The following CNTNAP2 variants were observed in gnomAD, a reference collection of about 807,000 sequenced individuals.
The protein encoded by CNTNAP2 is contactin-associated protein-like 2.
CNTNAP2 carries 98 observed loss-of-function variants against 155.2 expected under a neutral mutation model. That is an observed-to-expected ratio of 0.63 (90% CI 0.54 to 0.75). CNTNAP2 has a LOEUF of 0.75. Ranked by LOEUF, CNTNAP2 falls within the 30% of genes least tolerant of loss-of-function variation. The pLI is 0.00. For missense variants in CNTNAP2, 1,727 were observed against 1,688.1 expected, an observed-to-expected ratio of 1.02 and a Z score of -0.40; for synonymous variants, 651 against 631.2, an observed-to-expected ratio of 1.03 and a Z score of -0.47.
intron 13 of CNTNAP2, among the ~76,000 whole-genome samples, chr7:147,875,108 T>C (rs1282789775): frequency 6.6e-6 from 1 of 152,256 alleles, no homozygotes; most frequent in East Asian, 1.9e-4. Context: ...AACCTCTGCC[T>C]GTTACCCAGT....
chr7:146,354,508 A>T (rs999898358), intron 1 of CNTNAP2, among the ~76,000 whole-genome samples: 11 of 147,924 alleles, frequency 7.4e-5, no homozygotes, highest in African/African-American at 2.8e-4. Context: ...TCCACCTCCC[A>T]GGTTCAGGTG....
At position 148,383,869 on chromosome 7, in the gene CNTNAP2, C is replaced by G. The variant is rs575340260; in HGVS notation, c.3696C>G (p.His1232Gln). The G allele has an allele frequency of 6.2e-7, 1 of 1,613,838 alleles. No homozygotes were observed. Among genetic ancestry groups the G allele is most frequent in the Non-Finnish European group, 8.5e-7 (1 of 1,179,990 alleles). Residue 1232 changes from histidine (H) to glutamine (Q), a missense_variant, in exon 22 of 24, where the codon CAC becomes CAG. Coordinates refer to ENST00000361727, the MANE Select transcript of CNTNAP2 (RefSeq NM_014141.6). ...TGTCGTCCGCCACCGACCCCTGGCA[C>G]CTGGATCACCTGGATTCAGGTAAAG... ...SPMSSATDPW[H>Q]LDHLDSASAD...
chr7:148,087,481 T>C (rs908567867), intron 15 of CNTNAP2, among the ~76,000 whole-genome samples: 11 of 152,136 alleles, frequency 7.2e-5, no homozygotes, highest in African/African-American at 1.2e-4. Flanking sequence ...CTAATGACCT[T>C]TCAGACTAGA....
chr7:147,109,404 G>C (rs560395579), intron 5 of CNTNAP2, among the ~76,000 whole-genome samples: 1 of 152,234 alleles, frequency 6.6e-6, no homozygotes. Flanking sequence ...AAATAGAGAA[G>C]ACTTTAGGAG....
chr7:147,957,014 A>C (rs1801026767), intron 14 of CNTNAP2, among the ~76,000 whole-genome samples: 1 of 152,202 alleles, frequency 6.6e-6, no homozygotes, highest in South Asian at 2.1e-4. Context: ...TACTGCTTAG[A>C]TGCGGTAAAA....
chr7:146,487,563 G>T (rs765907078), intron 1 of CNTNAP2, among the ~76,000 whole-genome samples: 3 of 152,178 alleles, frequency 2.0e-5, no homozygotes, highest in Non-Finnish European at 4.4e-5. Flanking sequence ...AAAAGTGAGG[G>T]CAGAGGAGGG....
intron 4 of CNTNAP2, among the ~76,000 whole-genome samples, chr7:147,102,365 G>A (rs1173006519): frequency 6.6e-6 from 1 of 151,274 alleles, no homozygotes; most frequent in African/African-American, 2.4e-5. Context: ...AAGTAGTGGG[G>A]CCCAGAGAAA....
At chr7:147,859,907 T>G (rs1304699571) in intron 13 of CNTNAP2, among the ~76,000 whole-genome samples, 18 of 152,206 alleles carry the variant, frequency 1.2e-4, no homozygotes, top group Admixed American at 1.2e-3. Context: ...TATGTATATA[T>G]GCAATATTAA....
intron 15 of CNTNAP2, among the ~76,000 whole-genome samples, chr7:148,009,955 G>T (rs1043331338): frequency 1.3e-5 from 2 of 151,930 alleles, no homozygotes; most frequent in Non-Finnish European, 2.9e-5. Context: ...TTTCTCTAAG[G>T]TAACTATATC....
intron 18 of CNTNAP2, among the ~76,000 whole-genome samples, chr7:148,197,138 A>G (rs944630353): frequency 6.6e-6 from 1 of 152,178 alleles, no homozygotes; most frequent in African/African-American, 2.4e-5. Context: ...TACATCAACA[A>G]CCTACTATAA....
chr7:147,988,070 G>A (rs566668228), intron 15 of CNTNAP2, among the ~76,000 whole-genome samples: 60 of 152,260 alleles, frequency 3.9e-4, no homozygotes, highest in African/African-American at 1.1e-3. Flanking sequence ...GTCCAGAAAG[G>A]CGGGACAACT....
chr7:146,225,284 G>T (rs1378924923), intron 1 of CNTNAP2, among the ~76,000 whole-genome samples: 1 of 152,078 alleles, frequency 6.6e-6, no homozygotes, highest in African/African-American at 2.4e-5. Context: ...GGCAAATAAA[G>T]ACAATCTAAG....
rs10243319 is a variant in CNTNAP2 at position 147,977,586 on chromosome 7, T to C, written c.2256-276T>C. ...GTTTGACATGCTGTGGTGTACTCTC[T>C]ACCTAAAAGAGTACGCAGCATAATG... On this transcript the variant is annotated intron_variant, in intron 14 of 23. Coordinates refer to ENST00000361727, the MANE Select transcript of CNTNAP2 (RefSeq NM_014141.6). Among the ~76,000 whole-genome samples the C allele has an allele frequency of 0.46, 70,263 of 151,952 alleles. 16,902 individuals are homozygous for C. Among genetic ancestry groups the C allele is most frequent in the East Asian group, 0.75 (3,851 of 5,134 alleles).
rs184457647 is a variant in CNTNAP2, at chr7:147,708,386, T to A, written c.2098+69080T>A. The stretch of plus-strand genomic sequence containing the variant: ...AGCCATGACATGCATTGGCTGCAGG[T>A]GAGGAATGTCAATAGGACACCAGGG... On this transcript the variant is annotated intron_variant, in intron 13 of 23. Transcript: ENST00000361727. Among the ~76,000 whole-genome samples, 356 of 152,188 alleles carry A rather than the reference T, an allele frequency of 2.3e-3. 1 individual carries two copies. The highest frequency in any genetic ancestry group is 8.1e-3 in the African/African-American group (337 of 41,530).
At chr7:147,790,155 C>G (rs982817907) in intron 13 of CNTNAP2, among the ~76,000 whole-genome samples, 1 of 152,168 alleles carries the variant, frequency 6.6e-6, no homozygotes, top group African/African-American at 2.4e-5. Flanking sequence ...TATCATTCAG[C>G]TTCCCGCTTA....
intron 1 of CNTNAP2, among the ~76,000 whole-genome samples, chr7:146,242,288 C>G (rs895436445): frequency 6.6e-6 from 1 of 152,000 alleles, no homozygotes; most frequent in African/African-American, 2.4e-5. Flanking sequence ...ACCTGTAATC[C>G]CAGCACTTTG....
chr7:146,749,212 T>C (rs952676629), intron 1 of CNTNAP2, among the ~76,000 whole-genome samples: 2 of 152,164 alleles, frequency 1.3e-5, no homozygotes, highest in African/African-American at 2.4e-5. Flanking sequence ...TATGTGTATG[T>C]ATCTATATGT....
At chr7:146,663,271 C>G (rs1468646992) in intron 1 of CNTNAP2, among the ~76,000 whole-genome samples, 1 of 93,002 alleles carries the variant, frequency 1.1e-5, no homozygotes, top group South Asian at 4.0e-4. Context: ...GAGTGAAACT[C>G]CATCTCAAAA....
At chr7:148,190,609 C>T (rs1795189670) in intron 18 of CNTNAP2, 1 of 152,180 alleles carries the variant, frequency 6.6e-6, no homozygotes, top group African/African-American at 2.4e-5. Context: ...GGAATTGGCA[C>T]ATGCAATTAT....
Sources: allele counts gnomAD v4.1 joint callset (sites outside exome capture counted in the v4.1 genomes callset), GRCh38; gene constraint gnomAD v4.1.1; transcripts MANE v1.5; gene names NCBI Gene and HGNC (gene_info 2026-07-23, HGNC 2026-07-21).